Variants in NFILZ observed in about 807,000 individuals in gnomAD.
NFILZ encodes NFIL3 like protein.
rs2043141511 is a variant in NFILZ, at chr19:8,680,461, T to C, written c.*2826T>C. Among the ~76,000 whole-genome samples, 1 of 152,216 alleles carries C rather than the reference T, an allele frequency of 6.6e-6. No individual in the cohort carries two copies. The highest frequency in any genetic ancestry group is 2.1e-4 in the South Asian group (1 of 4,826). ...GCCGAGTTGGCAGTCTTTTCTTTTG[T>C]GGTTTGTACATTTTTGTCATGTTTA... On this transcript the variant is annotated 3_prime_UTR_variant, in exon 6 of 6. Transcript: ENST00000691075.
chr19:8,669,807 C>T (rs930752052), intron 3 of NFILZ, among the ~76,000 whole-genome samples: 2 of 152,178 alleles, frequency 1.3e-5, no homozygotes, highest in Non-Finnish European at 2.9e-5. Flanking sequence ...GCTTTACTTT[C>T]CTCTCTGGGT....
chr19:8,652,979 CCTTCCTT>C (rs2042972313), intron 3 of NFILZ, among the ~76,000 whole-genome samples: 10 of 86,416 alleles, frequency 1.2e-4, no homozygotes, highest in East Asian at 5.0e-4. Flanking sequence ...CTCCTTCCTT[CCTTCCTT>C]CCTTCCTTCC....
chr19:8,655,070 C>T (rs777178509), intron 3 of NFILZ, among the ~76,000 whole-genome samples: 1 of 152,200 alleles, frequency 6.6e-6, no homozygotes, highest in African/African-American at 2.4e-5. Context: ...TACTTAGCTC[C>T]ACTTCTTCCT....
At chr19:8,659,017 G>C (rs782590620) in intron 3 of NFILZ, among the ~76,000 whole-genome samples, 53 of 152,026 alleles carry the variant, frequency 3.5e-4, no homozygotes, top group Non-Finnish European at 6.5e-4. Context: ...AGGCCAAGCT[G>C]GGTGGATCAC....
chr19:8,651,474 T>C (rs1178008788), intron 3 of NFILZ, among the ~76,000 whole-genome samples: 8 of 152,178 alleles, frequency 5.3e-5, no homozygotes, highest in African/African-American at 1.9e-4. Context: ...CAATAAGTTA[T>C]TGTTAACCAT....
chr19:8,633,117 T>G (rs1443432789), intron 2 of NFILZ, among the ~76,000 whole-genome samples: 1 of 145,884 alleles, frequency 6.9e-6, no homozygotes, highest in African/African-American at 2.5e-5. Context: ...GCCTCCTGGG[T>G]TCAAGGGATT....
chr19:8,632,245 A>AGTGTGTGTGTGTGTGTGT (rs35056229), intron 1 of NFILZ, among the ~76,000 whole-genome samples: 9 of 145,236 alleles, frequency 6.2e-5, no homozygotes, highest in African/African-American at 2.3e-4. Flanking sequence ...CCCGCCATAC[A>AGTGTGTGTGTGTGTGTGT]GTGTGTGTGT....
chr19:8,671,121 C>G (rs1485344627), intron 3 of NFILZ, among the ~76,000 whole-genome samples: 2 of 152,014 alleles, frequency 1.3e-5, no homozygotes, highest in Non-Finnish European at 2.9e-5. Flanking sequence ...AGAAGAGGAC[C>G]AAACAGAGCT....
intron 3 of NFILZ, among the ~76,000 whole-genome samples, chr19:8,669,186 C>G (rs1418434579): frequency 6.6e-6 from 1 of 152,220 alleles, no homozygotes; most frequent in Non-Finnish European, 1.5e-5. Flanking sequence ...TTCAGGTGAT[C>G]TGCCCACCTT....
Position 8,678,077 on chromosome 19 carries a change from A to G in NFILZ, c.*442A>G, listed in dbSNP as rs57579150. 1.6e-4 allele frequency among the ~76,000 whole-genome samples: 1 copy of G among 6,108 alleles called. No homozygotes were observed. Among genetic ancestry groups the G allele is most frequent in the Non-Finnish European group, 3.1e-4 (1 of 3,222 alleles). The allele number at this position is 6,108 out of a possible 152,430, so 4.0% of individuals were successfully genotyped here. A position where few individuals can be genotyped will look rare whatever the true frequency, so the allele number is the denominator to read the frequency against. On this transcript the variant is annotated 3_prime_UTR_variant, in exon 6 of 6. Transcript: ENST00000691075. The stretch of plus-strand genomic sequence containing the variant: ...CCACCCATCTATTCATCCATCCATC[A>G]ATCCATCCATCCATTCCATCCATCC...
intron 3 of NFILZ, among the ~76,000 whole-genome samples, chr19:8,656,689 G>C (rs1341440545): frequency 1.3e-5 from 2 of 152,246 alleles, no homozygotes; most frequent in Non-Finnish European, 2.9e-5. Context: ...GCCTGTGCTA[G>C]GTGAATGGAA....
chr19:8,650,899 T>A (rs1392585191), intron 3 of NFILZ, among the ~76,000 whole-genome samples: 1 of 152,308 alleles, frequency 6.6e-6, no homozygotes, highest in Admixed American at 6.5e-5. Context: ...GTGTTCTCCA[T>A]GGAAATTAAT....
intron 3 of NFILZ, among the ~76,000 whole-genome samples, chr19:8,664,654 A>G (rs1167721714): frequency 6.6e-6 from 1 of 152,100 alleles, no homozygotes; most frequent in African/African-American, 2.4e-5. Flanking sequence ...GGGTTCCCTG[A>G]ACCCCGTGGA....
chr19:8,649,134 C>T (rs1224652782), intron 3 of NFILZ, among the ~76,000 whole-genome samples: 4 of 151,022 alleles, frequency 2.6e-5, no homozygotes, highest in Admixed American at 6.6e-5. Context: ...GGCTGACTTT[C>T]GTATTTTTTT....
At chr19:8,637,787 A>G (rs1426348464) in intron 3 of NFILZ, among the ~76,000 whole-genome samples, 2 of 147,684 alleles carry the variant, frequency 1.4e-5, no homozygotes, top group African/African-American at 2.5e-5. Flanking sequence ...GATGCCTGTA[A>G]TCTCAGCTAC....
intron 1 of NFILZ, among the ~76,000 whole-genome samples, chr19:8,631,905 T>G (rs2042871981): frequency 6.6e-6 from 1 of 150,464 alleles, no homozygotes; most frequent in South Asian, 2.1e-4. Flanking sequence ...GTTTCGCTCT[T>G]GTTGCCCAGG....
chr19:8,655,972 T>A (rs1382681704), intron 3 of NFILZ, among the ~76,000 whole-genome samples: 1 of 152,002 alleles, frequency 6.6e-6, no homozygotes, highest in Non-Finnish European at 1.5e-5. Flanking sequence ...CCTGTCCCTG[T>A]CTCTGCTGCC....
At position 8,676,838 on chromosome 19, in the gene NFILZ, AG is replaced by A; in HGVS notation, c.77del (p.Gly26AlafsTer52). 1 of 152,724 alleles carries A rather than the reference AG, an allele frequency of 6.5e-6. No homozygotes were observed. The highest frequency in any genetic ancestry group is 1.5e-5 in the Non-Finnish European group (1 of 68,244). 9.5% of individuals were successfully genotyped at this position (152,724 alleles called of 1,614,324 possible). On this transcript the variant is annotated frameshift_variant, in exon 6 of 6. Coordinates refer to ENST00000691075, the MANE Select transcript of NFILZ (RefSeq NM_001378600.1). LOFTEE classifies it low-confidence loss of function (END_TRUNC). Reference protein sequence around the residue: ...HSKTLWGARGRGPSIRRQREF... With the variant: ...HSKTLWGARGXGPSIRRQREF... ...CAAGACCTTGTGGGGGGCTCGGGGCAGGGGCCCCTCCATACGTCGCCAGCGG... is the reference window on the plus strand; with the variant it reads ...CAAGACCTTGTGGGGGGCTCGGGGCAGGGCCCCTCCATACGTCGCCAGCGG...
intron 3 of NFILZ, among the ~76,000 whole-genome samples, chr19:8,637,257 G>A (rs2042898735): frequency 6.6e-6 from 1 of 151,968 alleles, no homozygotes; most frequent in Non-Finnish European, 1.5e-5. Context: ...AAGCAGGAGA[G>A]TCACTTGAAT....
Sources: allele counts gnomAD v4.1 joint callset (sites outside exome capture counted in the v4.1 genomes callset), GRCh38; gene constraint gnomAD v4.1.1; transcripts MANE v1.5; gene names NCBI Gene and HGNC (gene_info 2026-07-23, HGNC 2026-07-21).